Variants in MTUS1 observed in about 807,000 individuals in gnomAD.
The protein encoded by MTUS1 is microtubule-associated tumor suppressor 1.
Under a neutral mutation model 120.8 loss-of-function variants are expected in MTUS1, and 109 were observed. The observed-to-expected ratio is 0.90, with a 90% CI of 0.77 to 1.06. The LOEUF (loss-of-function observed/expected upper bound fraction) is 1.06, where lower values mean the gene tolerates loss of function less well. Ranked by LOEUF, MTUS1 falls within the 50% of genes least tolerant of loss-of-function variation. The pLI is 0.00. For synonymous variants in MTUS1, 737 were observed against 550.5 expected, an observed-to-expected ratio of 1.34 and a Z score of -4.74; for missense variants, 2,210 against 1,486.3, an observed-to-expected ratio of 1.49 and a Z score of -8.01.
chr8:17,777,609 A>T (rs1461980966), intron 1 of MTUS1, among the ~76,000 whole-genome samples: 1 of 152,156 alleles, frequency 6.6e-6, no homozygotes, highest in Non-Finnish European at 1.5e-5. Flanking sequence ...AGGGGAGCAG[A>T]AATGAAAAAC....
chr8:17,772,854 A>C (rs888406013), intron 1 of MTUS1, among the ~76,000 whole-genome samples: 7 of 152,246 alleles, frequency 4.6e-5, no homozygotes, highest in Non-Finnish European at 8.8e-5. Context: ...AGGAAAAACC[A>C]TATGAACATA....
rs181439494 is a variant in MTUS1 at position 17,788,189 on chromosome 8, A to G, written c.-155+12872T>C. Among the ~76,000 whole-genome samples the G allele has an allele frequency of 4.7e-4, 72 of 152,348 alleles. 1 individual carries two copies. Among genetic ancestry groups the G allele is most frequent in the African/African-American group, 1.5e-3 (64 of 41,580 alleles). On this transcript the variant is annotated intron_variant, in intron 1 of 14. Coordinates refer to ENST00000693296, the MANE Select transcript of MTUS1 (RefSeq NM_001363059.2). ...CTTGATTGGTGTGATCGTTACACCA[A>G]TATGTATTTGTCAAAACTCATATAA... is the stretch of plus-strand genomic sequence containing the variant.
At chr8:17,713,399 A>G (rs1585888117) in intron 5 of MTUS1, 147 bp from the exon 6 acceptor site, 3 of 588,926 alleles carry the variant, frequency 5.1e-6, no homozygotes, top group African/African-American at 3.8e-5. Context: ...GATTCAACCA[A>G]CTTTTGTCAA....
intron 6 of MTUS1, among the ~76,000 whole-genome samples, chr8:17,696,218 C>G (rs1290195231): frequency 6.6e-6 from 1 of 152,016 alleles, no homozygotes; most frequent in Non-Finnish European, 1.5e-5. Context: ...CTGGCAAAAT[C>G]AAATGACAGG....
chr8:17,766,662 G>C (rs1322332764), intron 1 of MTUS1, among the ~76,000 whole-genome samples: 1 of 152,178 alleles, frequency 6.6e-6, no homozygotes, highest in African/African-American at 2.4e-5. Context: ...TGGTTTTCTG[G>C]TGGTTTGTTG....
At chr8:17,728,850 G>A (rs2046382685) in intron 3 of MTUS1, among the ~76,000 whole-genome samples, 1 of 152,140 alleles carries the variant, frequency 6.6e-6, no homozygotes, top group Non-Finnish European at 1.5e-5. Flanking sequence ...GTAGCAGTGT[G>A]CAGAACTGAC....
chr8:17,676,664 T>G (rs941565499), intron 7 of MTUS1, among the ~76,000 whole-genome samples: 3 of 152,188 alleles, frequency 2.0e-5, no homozygotes, highest in Admixed American at 2.0e-4. Flanking sequence ...AAGAAAAAAC[T>G]GACCCCCTCT....
At chr8:17,680,115 C>A (rs772492556) in intron 7 of MTUS1, among the ~76,000 whole-genome samples, 4 of 151,960 alleles carry the variant, frequency 2.6e-5, no homozygotes, top group Non-Finnish European at 4.4e-5. Context: ...CATATATGCT[C>A]CTGGAATCCA....
chr8:17,662,398 T>C (rs1381461135), intron 8 of MTUS1, among the ~76,000 whole-genome samples: 2 of 143,686 alleles, frequency 1.4e-5, no homozygotes. Context: ...CACTGTCACC[T>C]GGGCTAGAAT....
chr8:17,799,147 A>G (rs2131621754), intron 1 of MTUS1, among the ~76,000 whole-genome samples: 1 of 152,330 alleles, frequency 6.6e-6, no homozygotes, highest in East Asian at 1.9e-4. Context: ...GTCAATATGT[A>G]TGAGGAGATC....
rs1243092939 is a variant in MTUS1 at position 17,723,947 on chromosome 8, G to A, written c.2288-114C>T. The A allele has an allele frequency of 1.3e-5, 10 of 788,490 alleles. No individual in the cohort carries two copies. The South Asian group carries it at 1.7e-4, about 13-fold the overall frequency. 48.8% of individuals were successfully genotyped at this position (788,490 alleles called of 1,614,324 possible). On this transcript the variant is annotated intron_variant, in intron 3 of 14. Coordinates refer to ENST00000693296, the MANE Select transcript of MTUS1 (RefSeq NM_001363059.2). The stretch of plus-strand genomic sequence containing the variant: ...TAACAACAAAGTCAAAACACAAAAT[G>A]AATGTTCACAATCATGTAACTTCAG...
intron 1 of MTUS1, among the ~76,000 whole-genome samples, chr8:17,762,121 A>C (rs1186456253): frequency 1.3e-5 from 2 of 152,104 alleles, no homozygotes; most frequent in Non-Finnish European, 2.9e-5. Flanking sequence ...CTCTACTAAA[A>C]ATACAAAAAT....
intron 12 of MTUS1, chr8:17,651,893 G>A (rs1807082420): frequency 6.6e-6 from 1 of 152,184 alleles, no homozygotes; most frequent in Admixed American, 6.5e-5. Flanking sequence ...ATCCCTGCAT[G>A]TAAGTCTAGA....
chr8:17,783,617 C>A (rs1350260465), intron 1 of MTUS1, among the ~76,000 whole-genome samples: 1 of 152,080 alleles, frequency 6.6e-6, no homozygotes, highest in African/African-American at 2.4e-5. Context: ...AGCTTTGTAT[C>A]CCTGTGGCTA....
intron 1 of MTUS1, among the ~76,000 whole-genome samples, chr8:17,782,873 TTCGG>T (rs2050981979): frequency 6.6e-6 from 1 of 152,122 alleles, no homozygotes; most frequent in African/African-American, 2.4e-5. Flanking sequence ...AAGTCAGGAG[TTCGG>T]GACCAGCCTG....
chr8:17,729,985 A>C (rs1158119830), intron 3 of MTUS1, among the ~76,000 whole-genome samples: 1 of 78,428 alleles, frequency 1.3e-5, no homozygotes, highest in African/African-American at 4.7e-5. Flanking sequence ...TGCTATCATC[A>C]AAAAAAAAAA....
chr8:17,778,065 C>A (rs531442532), intron 1 of MTUS1, among the ~76,000 whole-genome samples: 8 of 152,280 alleles, frequency 5.3e-5, no homozygotes, highest in Admixed American at 2.0e-4. Context: ...ATTTTATTAT[C>A]TTGCCTGTGT....
chr8:17,689,135 C>T (rs1209606050), intron 6 of MTUS1, among the ~76,000 whole-genome samples: 1 of 151,978 alleles, frequency 6.6e-6, no homozygotes, highest in Non-Finnish European at 1.5e-5. Context: ...CACTTGAATC[C>T]GGGAGGTGGA....
intron 13 of MTUS1, among the ~76,000 whole-genome samples, chr8:17,647,906 T>G (rs529742850): frequency 6.6e-6 from 1 of 152,344 alleles, no homozygotes; most frequent in East Asian, 1.9e-4. Context: ...ACTAACGCGC[T>G]TTGAGTATGT....
Sources: gnomAD v4.1 joint callset for allele counts (sites outside exome capture counted in the v4.1 genomes callset) on GRCh38, gnomAD v4.1.1 for gene constraint, MANE v1.5 for transcripts, NCBI Gene and HGNC (gene_info 2026-07-23, HGNC 2026-07-21) for gene names.